TLE4: variants seen among roughly 807,000 people sequenced by gnomAD.
The protein encoded by TLE4 is TLE family member 4, transcriptional corepressor, also known as transducin-like enhancer protein 4.
In TLE4, 8 loss-of-function variants were observed where a neutral mutation model predicts 92.8. The ratio of observed to expected loss-of-function variants is 0.09; its 90% CI spans 0.05 to 0.16. The LOEUF is 0.16. Among genes scored for constraint, TLE4 ranks in the 10% least tolerant of loss-of-function variants. The probability of loss-of-function intolerance (pLI) is 1.00; values close to 1 mark genes in which losing one functional copy is unlikely to be tolerated. For synonymous variants in TLE4, 371 were observed against 374.1 expected, an observed-to-expected ratio of 0.99 and a Z score of 0.10; for missense variants, 675 against 997.6, an observed-to-expected ratio of 0.68 and a Z score of 4.36.
At chr9:79,584,560 G>C (rs535694320) in intron 4 of TLE4, among the ~76,000 whole-genome samples, 3 of 152,164 alleles carry the variant, frequency 2.0e-5, no homozygotes, top group Non-Finnish European at 4.4e-5. Context: ...TTACTGCTGT[G>C]TACCCGGTGT....
At chr9:79,607,960 A>G (rs2132903324) in intron 4 of TLE4, among the ~76,000 whole-genome samples, 1 of 151,976 alleles carries the variant, frequency 6.6e-6, no homozygotes, top group East Asian at 1.9e-4. Context: ...TTATCAGCTT[A>G]TGGAGATTTT....
intron 7 of TLE4, chr9:79,653,025 G>A (rs2134220281): frequency 3.4e-6 from 2 of 589,200 alleles, no homozygotes; most frequent in Non-Finnish European, 6.4e-6. Context: ...TCTGGTTATT[G>A]CCTTTGATTT....
intron 5 of TLE4, among the ~76,000 whole-genome samples, chr9:79,626,552 G>C (rs772650237): frequency 6.6e-6 from 1 of 152,050 alleles, no homozygotes; most frequent in Non-Finnish European, 1.5e-5. Context: ...TATTTGGAGG[G>C]GGTAATTCTT....
At chr9:79,701,060 C>T (rs570242481) in intron 8 of TLE4, among the ~76,000 whole-genome samples, 20 of 152,096 alleles carry the variant, frequency 1.3e-4, no homozygotes, top group Admixed American at 3.3e-4. Flanking sequence ...ATGACTTTAT[C>T]GGTATTTATT....
At chr9:79,713,128 C>A (rs1754120538) in intron 14 of TLE4, among the ~76,000 whole-genome samples, 1 of 152,166 alleles carries the variant, frequency 6.6e-6, no homozygotes, top group Non-Finnish European at 1.5e-5. Context: ...AAGGTCGAAG[C>A]CCATCTTGTG....
intron 8 of TLE4, among the ~76,000 whole-genome samples, chr9:79,693,995 A>G (rs2067649347): frequency 6.6e-6 from 1 of 152,214 alleles, no homozygotes; most frequent in Non-Finnish European, 1.5e-5. Context: ...CACTGGGTAC[A>G]CCAAGTATAC....
intron 8 of TLE4, among the ~76,000 whole-genome samples, chr9:79,700,263 T>C (rs1444228952): frequency 6.6e-6 from 1 of 152,250 alleles, no homozygotes; most frequent in Non-Finnish European, 1.5e-5. Flanking sequence ...CACCAGGCAG[T>C]CTGACTCCAG....
At chr9:79,674,538 A>T (rs1361558595) in intron 8 of TLE4, among the ~76,000 whole-genome samples, 8 of 152,230 alleles carry the variant, frequency 5.3e-5, no homozygotes, top group Admixed American at 5.2e-4. Flanking sequence ...GTAGGAAAAT[A>T]CTTAAGATTA....
chr9:79,692,361 C>T (rs1389403791), intron 8 of TLE4, among the ~76,000 whole-genome samples: 1 of 152,146 alleles, frequency 6.6e-6, no homozygotes, highest in Non-Finnish European at 1.5e-5. Context: ...GGTCCTGAGG[C>T]TTGAAAAAGT....
chr9:79,724,879 A>AAAAAAAAAC (rs2076226864), intron 19 of TLE4, among the ~76,000 whole-genome samples, 158 bp from the exon 20 acceptor site: 2 of 149,328 alleles, frequency 1.3e-5, no homozygotes, highest in East Asian at 1.9e-4. Flanking sequence ...AAAAAAAAAA[A>AAAAAAAAAC]AAGCAGCAGT....
chr9:79,668,396 G>A (rs1008631276), intron 8 of TLE4, among the ~76,000 whole-genome samples: 10 of 152,178 alleles, frequency 6.6e-5, no homozygotes, highest in African/African-American at 2.4e-4. Context: ...GGAGGATGTC[G>A]GAACGTATCT....
intron 14 of TLE4, chr9:79,718,179 C>T (rs2074942436): frequency 1.5e-5 from 5 of 335,020 alleles, no homozygotes; most frequent in Admixed American, 3.7e-5. Context: ...AGGGCTTTAT[C>T]TTTTTTTTTT....
At chr9:79,716,879 T>C (rs1438244429) in intron 14 of TLE4, among the ~76,000 whole-genome samples, 5 of 152,212 alleles carry the variant, frequency 3.3e-5, no homozygotes, top group South Asian at 2.1e-4. Flanking sequence ...TTCTTTCTTA[T>C]TCCATTCTTA....
chr9:79,620,167 G>A (rs1743158553), intron 5 of TLE4, among the ~76,000 whole-genome samples: 3 of 152,232 alleles, frequency 2.0e-5, no homozygotes, highest in Admixed American at 2.0e-4. Context: ...TTGACTTTTA[G>A]TTAGGTAGTG....
Position 79,640,128 on chromosome 9 carries a change from G to C in TLE4, c.391-12465G>C, listed in dbSNP as rs141654138. ...GACACCCTGGAAATTTGGAACATAA[G>C]TAACTAGGTAGATAGTTGTACCATT... On this transcript the variant is annotated intron_variant, in intron 6 of 19. Transcript: ENST00000376552. 2.3e-3 allele frequency among the ~76,000 whole-genome samples: 351 copies of C among 152,222 alleles called. 1 individual carries two copies. Among genetic ancestry groups the C allele is most frequent in the Middle Eastern group, 6.8e-3 (2 of 294 alleles).
At chr9:79,624,256 G>C (rs988795728) in intron 5 of TLE4, among the ~76,000 whole-genome samples, 6 of 149,076 alleles carry the variant, frequency 4.0e-5, no homozygotes, top group Non-Finnish European at 7.4e-5. Flanking sequence ...TTTCTCTTTT[G>C]TGTGTAATCT....
intron 5 of TLE4, among the ~76,000 whole-genome samples, chr9:79,622,139 G>A (rs2051172930): frequency 6.6e-6 from 1 of 152,074 alleles, no homozygotes. Context: ...CTCCTGTCTT[G>A]CCAGAATTCA....
chr9:79,659,422 A>G (rs1179263325), intron 8 of TLE4, among the ~76,000 whole-genome samples: 1 of 152,042 alleles, frequency 6.6e-6, no homozygotes, highest in Non-Finnish European at 1.5e-5. Context: ...TTAGATAACC[A>G]TAATGCCTTT....
At chr9:79,666,284 G>C (rs750819065) in intron 8 of TLE4, among the ~76,000 whole-genome samples, 12 of 147,358 alleles carry the variant, frequency 8.1e-5, no homozygotes, top group South Asian at 2.2e-4. Flanking sequence ...CTGGAGTGCA[G>C]TGTCATGATC....
Sources: gnomAD v4.1 joint callset for allele counts (sites outside exome capture counted in the v4.1 genomes callset) on GRCh38, gnomAD v4.1.1 for gene constraint, MANE v1.5 for transcripts, NCBI Gene and HGNC (gene_info 2026-07-23, HGNC 2026-07-21) for gene names.